The following PCSK5 variants were observed in gnomAD, a reference collection of about 807,000 sequenced individuals.
The protein encoded by PCSK5 is proprotein convertase subtilisin/kexin type 5.
In PCSK5, 129 loss-of-function variants were observed where a neutral mutation model predicts 233.2. That is an observed-to-expected ratio of 0.55 (90% CI 0.48 to 0.64). The LOEUF (loss-of-function observed/expected upper bound fraction) is 0.64, where lower values mean the gene tolerates loss of function less well. Ranked by LOEUF, PCSK5 falls within the 30% of genes least tolerant of loss-of-function variation. The pLI is 0.00. For synonymous variants in PCSK5, 825 were observed against 879.2 expected, an observed-to-expected ratio of 0.94 and a Z score of 1.09; for missense variants, 2,076 against 2,430.1, an observed-to-expected ratio of 0.85 and a Z score of 3.06.
intron 10 of PCSK5, among the ~76,000 whole-genome samples, chr9:76,156,143 G>A (rs559361437): frequency 6.6e-6 from 1 of 152,308 alleles, no homozygotes; most frequent in African/African-American, 2.4e-5. Context: ...ACATAGTGTT[G>A]AATGTAAAGT....
chr9:76,222,015 G>GGGTA (rs1309880305), intron 20 of PCSK5, among the ~76,000 whole-genome samples: 1 of 152,188 alleles, frequency 6.6e-6, no homozygotes, highest in African/African-American at 2.4e-5. Flanking sequence ...GACACCTCCA[G>GGGTA]GGTAGGGATG....
intron 1 of PCSK5, among the ~76,000 whole-genome samples, chr9:75,910,267 G>A (rs1029073821): frequency 2.0e-5 from 3 of 152,132 alleles, no homozygotes; most frequent in South Asian, 2.1e-4. Context: ...TAAGAACCCC[G>A]TGATGTAATA....
chr9:76,361,476 C>T lies in PCSK5; in HGVS notation c.*2554C>T, dbSNP rs1171680093. On this transcript the variant is annotated 3_prime_UTR_variant, in exon 38 of 38. Transcript: ENST00000674117. ...GGCAGGAGGATTGCTGACCCACCAC[C>T]TGTTCTTGAGCCCAGGAGTTCGACA... The T allele has an allele frequency of 6.6e-6, 1 of 152,214 alleles. No individual in the cohort carries two copies. The highest frequency in any genetic ancestry group is 1.9e-4 in the East Asian group (1 of 5,188). The allele number at this position is 152,214 out of a possible 1,614,324, so 9.4% of individuals were successfully genotyped here.
chr9:75,908,826 C>T (rs1292696930), intron 1 of PCSK5, among the ~76,000 whole-genome samples: 1 of 152,074 alleles, frequency 6.6e-6, no homozygotes, highest in Non-Finnish European at 1.5e-5. Flanking sequence ...ATCTATCTAT[C>T]TATCTATCTA....
At chr9:76,266,991 A>C (rs937474312) in intron 24 of PCSK5, among the ~76,000 whole-genome samples, 1 of 152,240 alleles carries the variant, frequency 6.6e-6, no homozygotes, top group South Asian at 2.1e-4. Flanking sequence ...GGTGCTAATA[A>C]GGAAAAATGC....
chr9:76,334,675 G>A (rs187427046), intron 34 of PCSK5, among the ~76,000 whole-genome samples: 7 of 152,260 alleles, frequency 4.6e-5, no homozygotes, highest in African/African-American at 2.4e-5. Context: ...AGGTTGCAGT[G>A]AGCCAAGATC....
chr9:76,209,252 T>C (rs1387622645), intron 20 of PCSK5, among the ~76,000 whole-genome samples: 2 of 152,232 alleles, frequency 1.3e-5, no homozygotes, highest in African/African-American at 4.8e-5. Flanking sequence ...TGAGTTATAT[T>C]GTTGTGATTC....
At chr9:76,067,554 T>C (rs1354494040) in intron 5 of PCSK5, among the ~76,000 whole-genome samples, 1 of 152,198 alleles carries the variant, frequency 6.6e-6, no homozygotes, top group Non-Finnish European at 1.5e-5. Context: ...TTTCTAATAA[T>C]TGATTTGAGT....
At chr9:75,922,149 TTAG>T (rs935097320) in intron 1 of PCSK5, among the ~76,000 whole-genome samples, 2 of 152,158 alleles carry the variant, frequency 1.3e-5, no homozygotes, top group Non-Finnish European at 2.9e-5. Flanking sequence ...TGTAAAAGCA[TTAG>T]TAGGGTACAA....
chr9:76,186,094 A>G (rs1824091331), intron 17 of PCSK5, among the ~76,000 whole-genome samples: 1 of 152,154 alleles, frequency 6.6e-6, no homozygotes, highest in African/African-American at 2.4e-5. Flanking sequence ...AGTTTAATAA[A>G]ATATTTTATT....
chr9:75,982,967 AT>A lies in PCSK5; in HGVS notation c.298-3157del, dbSNP rs903243977. ...AGACATGAGAAATGGCTTCAGCTTT[AT>A]TTTTTTTCCAGTTGGTTGTTGTTCC... On this transcript the variant is annotated intron_variant, in intron 2 of 37. Transcript: ENST00000674117. 3.1e-4 allele frequency among the ~76,000 whole-genome samples: 47 copies of A among 151,712 alleles called. No homozygotes were observed. In the South Asian group the frequency reaches 9.4e-3, roughly 30 times the overall value.
At chr9:76,157,194 A>G (rs1822624126) in intron 11 of PCSK5, 32 bp downstream of exon 11, 1 of 1,422,908 alleles carries the variant, frequency 7.0e-7, no homozygotes, top group Non-Finnish European at 9.9e-7. Flanking sequence ...CAGCATGACA[A>G]TGCCCCAAAA....
chr9:76,175,758 A>AG (rs1230984926), intron 14 of PCSK5, among the ~76,000 whole-genome samples: 1 of 152,168 alleles, frequency 6.6e-6, no homozygotes, highest in Non-Finnish European at 1.5e-5. Context: ...AAAAATAAAG[A>AG]GAAAAAAAAG....
chr9:76,032,741 A>G lies in PCSK5; in HGVS notation c.632+5704A>G, dbSNP rs1828700225. Among the ~76,000 whole-genome samples the G allele has an allele frequency of 1.3e-5, 2 of 152,202 alleles. 1 individual carries two copies. Among genetic ancestry groups the G allele is most frequent in the South Asian group, 4.1e-4 (2 of 4,836 alleles). ...CTCCCTGCAAATGAAACAGTCTGCT[A>G]GCATTTCATACTACTACTCCTATTT... On this transcript the variant is annotated intron_variant, in intron 5 of 37. Coordinates refer to ENST00000674117, the MANE Select transcript of PCSK5 (RefSeq NM_001372043.1).
At chr9:75,946,681 C>A (rs1824585692) in intron 2 of PCSK5, among the ~76,000 whole-genome samples, 2 of 152,134 alleles carry the variant, frequency 1.3e-5, no homozygotes, top group African/African-American at 2.4e-5. Flanking sequence ...CTCTGCCTCT[C>A]GGGTTCAAGT....
In PCSK5 at chr9:76,263,969, A is replaced by G. The variant is rs2131364040; in HGVS notation, c.3142+23285A>G. 1.3e-5 allele frequency among the ~76,000 whole-genome samples: 2 copies of G among 152,286 alleles called. 1 individual carries two copies. The highest frequency in any genetic ancestry group is 4.1e-4 in the South Asian group (2 of 4,820). On this transcript the variant is annotated intron_variant, in intron 24 of 37. Transcript: ENST00000674117. ...TAGCAGAAACTATTCTAAAACTTAT[A>G]TGGAACCAAAAAAGAGCCTGAATAG... is the stretch of plus-strand genomic sequence containing the variant.
At chr9:76,071,307 GC>G (rs1303316307) in intron 6 of PCSK5, among the ~76,000 whole-genome samples, 1 of 152,154 alleles carries the variant, frequency 6.6e-6, no homozygotes, top group Non-Finnish European at 1.5e-5. Context: ...TACCTTGGCA[GC>G]TTTCCAAATA....
chr9:76,012,566 A>G (rs1257577603), intron 3 of PCSK5, among the ~76,000 whole-genome samples: 2 of 152,212 alleles, frequency 1.3e-5, no homozygotes, highest in Non-Finnish European at 2.9e-5. Context: ...GGCAATATAA[A>G]CTTCAACTAT....
At chr9:76,163,908 T>G (rs907404853) in intron 12 of PCSK5, among the ~76,000 whole-genome samples, 9 of 150,680 alleles carry the variant, frequency 6.0e-5, no homozygotes, top group Non-Finnish European at 1.3e-4. Flanking sequence ...AGTTTTAGAT[T>G]TAGCTTAGAT....
Sources: gnomAD v4.1 joint callset for allele counts (sites outside exome capture counted in the v4.1 genomes callset) on GRCh38, gnomAD v4.1.1 for gene constraint, MANE v1.5 for transcripts, NCBI Gene and HGNC (gene_info 2026-07-23, HGNC 2026-07-21) for gene names.